The following ACAP3 variants were observed in gnomAD, a reference collection of about 807,000 sequenced individuals.
ACAP3 encodes ArfGAP with coiled-coil, ankyrin repeat and PH domains 3, also known as arf-GAP with coiled-coil, ANK repeat and PH domain-containing protein 3.
In ACAP3, 56 loss-of-function variants were observed where a neutral mutation model predicts 104.1. The ratio of observed to expected loss-of-function variants is 0.54; its 90% CI spans 0.43 to 0.67. ACAP3 has a LOEUF of 0.67. ACAP3 is among the 30% of genes least tolerant of loss of function. The pLI is 0.00. For synonymous variants in ACAP3, 628 were observed against 496.2 expected, an observed-to-expected ratio of 1.27 and a Z score of -3.53; for missense variants, 1,208 against 1,174.9, an observed-to-expected ratio of 1.03 and a Z score of -0.41.
intron 15 of ACAP3, 46 bp downstream of exon 15, chr1:1,296,379 T>C (rs774159827): frequency 2.0e-6 from 3 of 1,532,702 alleles, no homozygotes; most frequent in Non-Finnish European, 2.6e-6. Context: ...CACCTGTGGA[T>C]GCTCCAGCCC....
chr1:1,296,939 G>A (rs604618), intron 14 of ACAP3, among the ~76,000 whole-genome samples: 35,609 of 152,028 alleles, frequency 0.23, 7,997 homozygotes, highest in African/African-American at 0.59. Context: ...CCACACGCGC[G>A]TGTATACGTG....
intron 10 of ACAP3, 169 bp downstream of exon 10, chr1:1,299,176 T>C (rs1265380903): frequency 4.6e-6 from 4 of 863,598 alleles, no homozygotes; most frequent in South Asian, 1.7e-5. Flanking sequence ...CCACGGGGAA[T>C]GTGGAGGTCT....
intron 9 of ACAP3, 141 bp downstream of exon 9, chr1:1,299,689 CT>C: frequency 2.0e-6 from 2 of 1,020,580 alleles, no homozygotes; most frequent in Admixed American, 2.8e-5. Flanking sequence ...AGGGAGCAGC[CT>C]TGGTCCCCTA....
rs1016185467 is a variant in ACAP3 at position 1,303,057 on chromosome 1, G to A, written c.226-82C>T. ...AGCCACGCCCTCTGAGCCCCTGGGC[G>A]GTGCAGACACCGGCCTGCTTCTGGC... On this transcript the variant is annotated intron_variant, in intron 3 of 23. Transcript: ENST00000354700. The surrounding 1 kb of genome is among the most constrained non-coding windows in gnomAD (Gnocchi z 4.0). The A allele has an allele frequency of 2.1e-5, 33 of 1,556,400 alleles. No individual in the cohort carries two copies. Among genetic ancestry groups the A allele is most frequent in the Admixed American group, 1.1e-4 (6 of 52,706 alleles).
At position 1,293,867 on chromosome 1, in the gene ACAP3, C is replaced by T. The variant is rs1557593747; in HGVS notation, c.2316G>A (p.Pro772=). The T allele has an allele frequency of 1.9e-6, 3 of 1,564,802 alleles. No homozygotes were observed. The highest frequency in any genetic ancestry group is 1.7e-6 in the Non-Finnish European group (2 of 1,160,274). The stretch of plus-strand genomic sequence containing the variant: ...TGGCCGCCTGCACTGCGATGGCCAA[C>T]GGGTCCCGCTGCTCTTGGTCCAGGG... ...QHALDQEQRD[P]LAIAVQAANA... The change falls in exon 23 of 24, where the codon CCG becomes CCA. Residue 772 remains proline (P), a synonymous_variant. Transcript: ENST00000354700.
At position 1,295,992 on chromosome 1, in the gene ACAP3, ATCCAGACTG is replaced by A. The variant is rs1422272900; in HGVS notation, c.1502+14_1502+22del. ...CCCCCAGGCTGGGGCTCCCTGACTGATCCAGACTGTACCCCACCTCACCGGGAGCTGCTG... is the reference window on the plus strand; with the variant it reads ...CCCCCAGGCTGGGGCTCCCTGACTGATACCCCACCTCACCGGGAGCTGCTG... On this transcript the variant is annotated intron_variant, in intron 17 of 23. Transcript: ENST00000354700. 6.2e-7 allele frequency: 1 copy of A among 1,612,722 alleles called. No individual in the cohort carries two copies. The highest frequency in any genetic ancestry group is 8.5e-7 in the Non-Finnish European group (1 of 1,179,952).
intron 1 of ACAP3, 48 bp from the exon 2 acceptor site, chr1:1,304,191 C>T: frequency 4.5e-6 from 7 of 1,547,394 alleles, no homozygotes; most frequent in Non-Finnish European, 4.4e-6. Context: ...CCTCAGCCCC[C>T]TCGGGGCTTC....
Position 1,295,562 on chromosome 1 carries a change from G to C in ACAP3, c.1706-8C>G, listed in dbSNP as rs759771590. On this transcript the variant is annotated splice_polypyrimidine_tract_variant and splice_region_variant and intron_variant, in intron 18 of 23. Transcript: ENST00000354700. ...TACGATCCAGGGTGCCCACTGCAGG[G>C]GCAGTGCGTGTTCAGAGTGTGGAAC... The C allele has an allele frequency of 1.4e-5, 22 of 1,611,402 alleles. No homozygotes were observed. The highest frequency in any genetic ancestry group is 1.7e-5 in the Non-Finnish European group (20 of 1,179,240).
chr1:1,293,909 C>T lies in ACAP3; in HGVS notation c.2274G>A (p.Arg758=). ...RTGQVCLFLK[R]GADQHALDQE... The stretch of plus-strand genomic sequence containing the variant: ...GGTCCAGGGCGTGCTGGTCCGCGCC[C>T]CGCTTCAGGAACAGGCAAACCTGGC... The change falls in exon 23 of 24, where the codon CGG becomes CGA. Residue 758 remains arginine, a synonymous_variant. Coordinates refer to ENST00000354700, the MANE Select transcript of ACAP3 (RefSeq NM_030649.3). 1 of 1,580,940 alleles carries T rather than the reference C, an allele frequency of 6.3e-7. No homozygotes were observed. Among genetic ancestry groups the T allele is most frequent in the East Asian group, 2.4e-5 (1 of 41,680 alleles).
intron 14 of ACAP3, among the ~76,000 whole-genome samples, chr1:1,297,441 G>A (rs1163518554): frequency 2.8e-5 from 1 of 35,580 alleles, no homozygotes; most frequent in Non-Finnish European, 9.2e-5. Flanking sequence ...GCACAGGCGC[G>A]GGGCAGGGGC....
At chr1:1,295,980 G>A (rs937354491) in intron 17 of ACAP3, 35 bp downstream of exon 17, 5 of 1,612,698 alleles carry the variant, frequency 3.1e-6, no homozygotes, top group African/African-American at 1.3e-5. Context: ...CCAGGCTGGG[G>A]CTCCCTGACT....
At chr1:1,304,394 TC>T in intron 1 of ACAP3, 1 of 551,264 alleles carries the variant, frequency 1.8e-6, no homozygotes, top group Non-Finnish European at 3.1e-6. Context: ...TGGACCAGCC[TC>T]TCCCAGGACA....
chr1:1,307,116 A>C, intron 1 of ACAP3: 2 of 1,202,588 alleles, frequency 1.7e-6, no homozygotes, highest in Non-Finnish European at 2.2e-6. Context: ...TCGTTTGCCA[A>C]ATGTCCACCA....
chr1:1,301,779 G>C (rs886883858), intron 5 of ACAP3: 1 of 418,258 alleles, frequency 2.4e-6, no homozygotes, highest in Non-Finnish European at 4.3e-6. Context: ...TCTCTGCTGT[G>C]GGGGCTGGAC....
rs12408158 is a variant in ACAP3 at position 1,303,112 on chromosome 1, G to A, written c.225+50C>T. 208,343 of 1,562,332 alleles carry A rather than the reference G, an allele frequency of 0.13. 15,904 individuals are homozygous for A. Among genetic ancestry groups the A allele is most frequent in the East Asian group, 0.25 (10,696 of 41,978 alleles). On this transcript the variant is annotated intron_variant, in intron 3 of 23. Coordinates refer to ENST00000354700, the MANE Select transcript of ACAP3 (RefSeq NM_030649.3). The surrounding 1 kb of genome is among the most constrained non-coding windows in gnomAD (Gnocchi z 4.0). Reference sequence around the variant, plus strand: ...ACGCCCTCAAGGGGCTGCCTCCCTCGGCCTCTCCCCCAACCCCACCTTGAG... The same window carrying A: ...ACGCCCTCAAGGGGCTGCCTCCCTCAGCCTCTCCCCCAACCCCACCTTGAG...
At chr1:1,299,169 C>A in intron 10 of ACAP3, 176 bp downstream of exon 10, 1 of 828,354 alleles carries the variant, frequency 1.2e-6, no homozygotes, top group Non-Finnish European at 1.9e-6. Flanking sequence ...GCCAACCCCA[C>A]GGGGAATGTG....
At chr1:1,304,415 T>A (rs1641593447) in intron 1 of ACAP3, 1 of 551,124 alleles carries the variant, frequency 1.8e-6, no homozygotes, top group African/African-American at 2.0e-5. Context: ...AGCCGGCCGC[T>A]GGGAGTCCCT....
chr1:1,295,028 A>C (rs1749953), intron 19 of ACAP3: 44,472 of 582,582 alleles, frequency 0.076, 2,274 homozygotes, highest in East Asian at 0.18. Context: ...TAGCCCCCTA[A>C]AGCCCAGGCC....
intron 5 of ACAP3, 55 bp downstream of exon 5, chr1:1,301,933 C>T (rs1641463091): frequency 6.7e-7 from 1 of 1,482,754 alleles, no homozygotes; most frequent in African/African-American, 1.4e-5. Flanking sequence ...CCCTTCCCCT[C>T]CAAGGGAGGG....
Sources: allele counts gnomAD v4.1 joint callset (sites outside exome capture counted in the v4.1 genomes callset), GRCh38; gene constraint gnomAD v4.1.1; non-coding constraint Gnocchi (gnomAD v3.1); transcripts MANE v1.5; gene names NCBI Gene and HGNC (gene_info 2026-07-23, HGNC 2026-07-21).